PTPRT: variants seen among roughly 807,000 people sequenced by gnomAD.
PTPRT encodes receptor-type tyrosine-protein phosphatase T.
PTPRT carries 56 observed loss-of-function variants against 176.8 expected under a neutral mutation model. That is an observed-to-expected ratio of 0.32 (90% CI 0.26 to 0.40). The LOEUF (loss-of-function observed/expected upper bound fraction) is 0.40, where lower values mean the gene tolerates loss of function less well. Among genes scored for constraint, PTPRT ranks in the 10% least tolerant of loss-of-function variants. PTPRT has a pLI of 1.00. For missense variants in PTPRT, 1,540 were observed against 1,908.2 expected (o/e 0.81, Z 3.60); for synonymous variants, 783 against 739.0 (o/e 1.06, Z -0.96).
intron 7 of PTPRT, among the ~76,000 whole-genome samples, chr20:42,586,649 G>A (rs547971601): frequency 3.4e-4 from 51 of 152,126 alleles, no homozygotes; most frequent in African/African-American, 5.1e-4. Flanking sequence ...TTGTACATCC[G>A]TTGGCATTGG....
intron 2 of PTPRT, among the ~76,000 whole-genome samples, chr20:42,873,929 A>G (rs1281532428): frequency 6.6e-6 from 1 of 152,256 alleles, no homozygotes; most frequent in Non-Finnish European, 1.5e-5. Context: ...CTTACCAAAT[A>G]TCTTAGAATG....
chr20:42,304,693 AT>A (rs1441458500), intron 12 of PTPRT, among the ~76,000 whole-genome samples: 1 of 152,228 alleles, frequency 6.6e-6, no homozygotes. Flanking sequence ...AAGAAATAGA[AT>A]CCGTGAGTGC....
chr20:42,752,988 G>A (rs1477294340), intron 6 of PTPRT, among the ~76,000 whole-genome samples: 1 of 152,140 alleles, frequency 6.6e-6, no homozygotes, highest in Non-Finnish European at 1.5e-5. Context: ...GTCGGGGCAG[G>A]GGGTGAGGGT....
intron 9 of PTPRT, among the ~76,000 whole-genome samples, chr20:42,394,158 G>C (rs572296319): frequency 6.6e-6 from 1 of 151,086 alleles, no homozygotes; most frequent in Non-Finnish European, 1.5e-5. Context: ...CTCTCTCCCC[G>C]GCCCTCTTCT....
At chr20:42,965,674 A>T (rs1982249783) in intron 1 of PTPRT, among the ~76,000 whole-genome samples, 1 of 152,228 alleles carries the variant, frequency 6.6e-6, no homozygotes, top group Admixed American at 6.5e-5. Flanking sequence ...TACTGAACTT[A>T]ACTGAGAGCC....
intron 1 of PTPRT, among the ~76,000 whole-genome samples, chr20:42,890,084 C>A (rs1023151503): frequency 1.3e-5 from 2 of 152,286 alleles, no homozygotes; most frequent in African/African-American, 2.4e-5. Context: ...GAAACAACAT[C>A]TGCACAAGGG....
At position 42,773,507 on chromosome 20, in the gene PTPRT, G is replaced by C. The variant is rs1467479424; in HGVS notation, c.569-1957C>G. On this transcript the variant is annotated intron_variant, in intron 4 of 30. Transcript: ENST00000373187. Reference sequence around the variant, plus strand: ...TTTAAACTAATGACAGCAGCTCAGAGACCCCTCAGGCTACCTTTGAGCCAC... The same window carrying C: ...TTTAAACTAATGACAGCAGCTCAGACACCCCTCAGGCTACCTTTGAGCCAC... 2.0e-5 allele frequency among the ~76,000 whole-genome samples: 3 copies of C among 152,092 alleles called. No individual in the cohort carries two copies. The East Asian group carries it at 5.8e-4, about 29-fold the overall frequency.
chr20:42,059,282 A>C, the PTPRT span, among the ~76,000 whole-genome samples: 1 of 152,086 alleles, frequency 6.6e-6, no homozygotes, highest in African/African-American at 2.4e-5. Flanking sequence ...AATAACATAA[A>C]GGGAAGATAG....
chr20:42,817,999 C>T (rs1277812283), intron 2 of PTPRT, among the ~76,000 whole-genome samples: 3 of 152,200 alleles, frequency 2.0e-5, no homozygotes, highest in Non-Finnish European at 2.9e-5. Context: ...CAGCAAAGCA[C>T]ACCCTCTCCA....
rs1212126922 is a variant in PTPRT, at chr20:42,616,291, A to G, written c.1153+61575T>C. Among the ~76,000 whole-genome samples the G allele has an allele frequency of 6.8e-4, 83 of 122,268 alleles. 7 individuals are homozygous for G. The highest frequency in any genetic ancestry group is 4.4e-4 in the Non-Finnish European group (26 of 59,426). The allele number at this position is 122,268 out of a possible 152,430, so 80.2% of individuals were successfully genotyped here. ...CTGAGGGCTCTGTTCTGTTCCATTGATCTATATCTCTGTTTTGGTACCAGT... is the reference window on the plus strand; with the variant it reads ...CTGAGGGCTCTGTTCTGTTCCATTGGTCTATATCTCTGTTTTGGTACCAGT... On this transcript the variant is annotated intron_variant, in intron 7 of 30. Coordinates refer to ENST00000373187, the MANE Select transcript of PTPRT (RefSeq NM_007050.6).
At chr20:42,808,789 T>C (rs1331839147) in intron 2 of PTPRT, among the ~76,000 whole-genome samples, 3 of 152,170 alleles carry the variant, frequency 2.0e-5, no homozygotes, top group African/African-American at 7.2e-5. Flanking sequence ...AATCCCTAAG[T>C]ATAAGGACCA....
intron 7 of PTPRT, among the ~76,000 whole-genome samples, chr20:42,495,481 C>T (rs899606088): frequency 1.3e-5 from 2 of 152,104 alleles, no homozygotes; most frequent in Non-Finnish European, 2.9e-5. Flanking sequence ...GCATCCTACC[C>T]TTTATGCCCA....
At chr20:42,716,128 A>G (rs188556436) in intron 6 of PTPRT, among the ~76,000 whole-genome samples, 24 of 152,268 alleles carry the variant, frequency 1.6e-4, no homozygotes, top group African/African-American at 5.8e-4. Flanking sequence ...AAGAGCATAG[A>G]TCTGAGCTGG....
chr20:42,925,729 A>G (rs1024933959), intron 1 of PTPRT, among the ~76,000 whole-genome samples: 15 of 152,100 alleles, frequency 9.9e-5, no homozygotes, highest in African/African-American at 3.4e-4. Flanking sequence ...GGGTCCGGGG[A>G]GGGGCCTGAG....
chr20:42,503,009 T>C (rs948057603), intron 7 of PTPRT, among the ~76,000 whole-genome samples: 1 of 152,098 alleles, frequency 6.6e-6, no homozygotes, highest in Admixed American at 6.6e-5. Context: ...GTTTATTTCT[T>C]GGACTTTTAA....
intron 15 of PTPRT, among the ~76,000 whole-genome samples, chr20:42,221,041 C>T (rs1473752113): frequency 1.3e-5 from 2 of 152,022 alleles, no homozygotes; most frequent in African/African-American, 2.4e-5. Flanking sequence ...ACTCTGTCTC[C>T]CAGGCTATGA....
intron 6 of PTPRT, among the ~76,000 whole-genome samples, chr20:42,695,907 C>G (rs570912577): frequency 1.3e-5 from 2 of 152,296 alleles, no homozygotes; most frequent in East Asian, 3.9e-4. Flanking sequence ...TTATTGGCAG[C>G]CTGCAGCCTC....
intron 1 of PTPRT, among the ~76,000 whole-genome samples, chr20:42,925,278 A>C (rs1979407168): frequency 6.6e-6 from 1 of 152,208 alleles, no homozygotes; most frequent in South Asian, 2.1e-4. Flanking sequence ...CCGTATCACT[A>C]CCAAAATGAA....
At chr20:42,411,412 G>A (rs1030360334) in intron 9 of PTPRT, among the ~76,000 whole-genome samples, 1 of 151,182 alleles carries the variant, frequency 6.6e-6, no homozygotes, top group Non-Finnish European at 1.5e-5. Context: ...AGCTACTCAG[G>A]AGGCTGAGGC....
Sources: allele counts gnomAD v4.1 joint callset (sites outside exome capture counted in the v4.1 genomes callset), GRCh38; gene constraint gnomAD v4.1.1; transcripts MANE v1.5; gene names NCBI Gene and HGNC (gene_info 2026-07-23, HGNC 2026-07-21).